SGCZ: variants seen among roughly 807,000 people sequenced by gnomAD.
SGCZ encodes zeta-sarcoglycan.
A neutral mutation model predicts 41.3 loss-of-function variants in SGCZ; 40 were observed. That is an observed-to-expected ratio of 0.97 (90% confidence interval 0.75 to 1.26). The LOEUF (loss-of-function observed/expected upper bound fraction) is 1.26. SGCZ is among the 50% of genes most tolerant of loss of function. SGCZ has a pLI of 0.00. For synonymous variants in SGCZ, 206 were observed against 137.5 expected (o/e 1.50, Z -3.49); for missense variants, 552 against 369.8 (o/e 1.49, Z -4.04).
At chr8:15,122,194 T>C (rs1807508420) in intron 1 of SGCZ, among the ~76,000 whole-genome samples, 1 of 150,750 alleles carries the variant, frequency 6.6e-6, no homozygotes. Context: ...AAAGATAATC[T>C]GCAATGGGTA....
At chr8:14,863,410 G>T (rs139786421) in intron 1 of SGCZ, among the ~76,000 whole-genome samples, 1 of 151,788 alleles carries the variant, frequency 6.6e-6, no homozygotes, top group Non-Finnish European at 1.5e-5. Flanking sequence ...CTGCAGCCTC[G>T]AACACCCAGG....
At chr8:15,077,454 T>A (rs1805577729) in intron 1 of SGCZ, among the ~76,000 whole-genome samples, 1 of 152,190 alleles carries the variant, frequency 6.6e-6, no homozygotes, top group African/African-American at 2.4e-5. Context: ...CACTAGACAA[T>A]CCTTAACTTT....
At chr8:14,696,382 G>C (rs1808963867) in intron 1 of SGCZ, among the ~76,000 whole-genome samples, 2 of 152,074 alleles carry the variant, frequency 1.3e-5, no homozygotes, top group Admixed American at 1.3e-4. Context: ...AAGCATGGCA[G>C]AGCGAAAGCC....
chr8:14,286,304 C>A (rs17230584), intron 3 of SGCZ, among the ~76,000 whole-genome samples: 3 of 152,048 alleles, frequency 2.0e-5, no homozygotes, highest in Non-Finnish European at 2.9e-5. Flanking sequence ...GTTTAAAAAT[C>A]ACTTTTCATT....
chr8:14,842,163 G>A (rs375910984), intron 1 of SGCZ, among the ~76,000 whole-genome samples: 1 of 152,052 alleles, frequency 6.6e-6, no homozygotes, highest in Non-Finnish European at 1.5e-5. Flanking sequence ...TGCACATCAG[G>A]ATAAATCTTC....
intron 1 of SGCZ, among the ~76,000 whole-genome samples, chr8:15,217,156 G>A (rs930918344): frequency 3.9e-5 from 6 of 152,066 alleles, no homozygotes; most frequent in Non-Finnish European, 8.8e-5. Context: ...GGTGGCTCAC[G>A]CCTGTAATCC....
chr8:14,465,519 T>G (rs968164143), intron 2 of SGCZ, among the ~76,000 whole-genome samples: 2 of 151,820 alleles, frequency 1.3e-5, no homozygotes, highest in Non-Finnish European at 3.0e-5. Flanking sequence ...AAGAAAGGAT[T>G]AATTTCTAAC....
At chr8:15,110,533 G>C (rs1423716325) in intron 1 of SGCZ, among the ~76,000 whole-genome samples, 2 of 152,202 alleles carry the variant, frequency 1.3e-5, no homozygotes, top group Admixed American at 6.5e-5. Flanking sequence ...ACAGGGCAAA[G>C]GGATTAAGTT....
At chr8:14,544,479 G>A (rs377021447) in intron 2 of SGCZ, among the ~76,000 whole-genome samples, 9 of 152,062 alleles carry the variant, frequency 5.9e-5, no homozygotes, top group Non-Finnish European at 1.0e-4. Context: ...GCCTATAAAC[G>A]GACGTGCAAG....
intron 4 of SGCZ, among the ~76,000 whole-genome samples, chr8:14,232,670 T>C (rs1806614514): frequency 6.6e-6 from 1 of 152,054 alleles, no homozygotes; most frequent in South Asian, 2.1e-4. Flanking sequence ...GTTACATATG[T>C]ATACATGTGC....
At chr8:14,227,602 A>C (rs1388993682) in intron 4 of SGCZ, among the ~76,000 whole-genome samples, 1 of 152,118 alleles carries the variant, frequency 6.6e-6, no homozygotes, top group Non-Finnish European at 1.5e-5. Flanking sequence ...AACTGATTAA[A>C]TATTTTAACC....
chr8:15,184,691 T>C (rs964612343), intron 1 of SGCZ, among the ~76,000 whole-genome samples: 8 of 152,134 alleles, frequency 5.3e-5, no homozygotes, highest in African/African-American at 1.9e-4. Flanking sequence ...TGCTTTGGTG[T>C]TCCGGAAGCG....
At chr8:14,115,801 G>T (rs918259643) in intron 5 of SGCZ, among the ~76,000 whole-genome samples, 4 of 151,422 alleles carry the variant, frequency 2.6e-5, no homozygotes, top group South Asian at 2.1e-4. Context: ...TCTTTGGGGG[G>T]TGGGGGTGGA....
At chr8:14,528,826 C>CAAAAAAA (rs1803032068) in intron 2 of SGCZ, among the ~76,000 whole-genome samples, 1 of 6,166 alleles carries the variant, frequency 1.6e-4, no homozygotes, top group African/African-American at 5.8e-4. Flanking sequence ...CACGGACCAG[C>CAAAAAAA]CAAAAAAAAA....
chr8:14,318,209 G>A (rs1801780225), intron 3 of SGCZ, among the ~76,000 whole-genome samples: 1 of 151,688 alleles, frequency 6.6e-6, no homozygotes, highest in Non-Finnish European at 1.5e-5. Context: ...CGGGAAAGGG[G>A]GGAAGAGAAA....
intron 1 of SGCZ, among the ~76,000 whole-genome samples, chr8:15,130,770 T>C (rs1807865941): frequency 6.6e-6 from 1 of 152,200 alleles, no homozygotes; most frequent in Non-Finnish European, 1.5e-5. Flanking sequence ...TTATGCATAC[T>C]ACCTAAGATT....
chr8:14,445,723 G>A (rs1563334418), intron 2 of SGCZ, among the ~76,000 whole-genome samples: 2 of 152,164 alleles, frequency 1.3e-5, no homozygotes, highest in Non-Finnish European at 2.9e-5. Context: ...ATGGTCACTG[G>A]CAGAGGGCAG....
chr8:14,255,113 C>G (rs1234895617), intron 3 of SGCZ, among the ~76,000 whole-genome samples: 1 of 152,108 alleles, frequency 6.6e-6, no homozygotes, highest in African/African-American at 2.4e-5. Flanking sequence ...TCCCCCTTAA[C>G]CTTTAAAGTT....
chr8:14,588,792 T>G (rs1321739180), intron 1 of SGCZ, among the ~76,000 whole-genome samples: 1 of 152,124 alleles, frequency 6.6e-6, no homozygotes, highest in African/African-American at 2.4e-5. Flanking sequence ...TTTAATAACA[T>G]GAAAATGTAA....
Sources: gnomAD v4.1 joint callset for allele counts (sites outside exome capture counted in the v4.1 genomes callset) on GRCh38, gnomAD v4.1.1 for gene constraint, MANE v1.5 for transcripts, NCBI Gene and HGNC (gene_info 2026-07-23, HGNC 2026-07-21) for gene names.